The following KHDRBS2 variants were observed in gnomAD, a reference collection of about 807,000 sequenced individuals.
KHDRBS2 encodes the protein KH domain-containing, RNA-binding, signal transduction-associated protein 2.
In KHDRBS2, 26 loss-of-function variants were observed where a neutral mutation model predicts 44.3. The observed-to-expected ratio is 0.59, with a 90% CI of 0.43 to 0.81. The LOEUF (loss-of-function observed/expected upper bound fraction) is 0.81. Among genes scored for constraint, KHDRBS2 ranks in the 40% least tolerant of loss-of-function variants. The pLI is 0.00. For synonymous variants in KHDRBS2, 194 were observed against 151.1 expected, an observed-to-expected ratio of 1.28 and a Z score of -2.08; for missense variants, 476 against 433.1, an observed-to-expected ratio of 1.10 and a Z score of -0.88.
At chr6:62,263,165 T>C (rs73488982) in intron 1 of KHDRBS2, among the ~76,000 whole-genome samples, 32,461 of 151,712 alleles carry the variant, frequency 0.21, 4,548 homozygotes, top group African/African-American at 0.4. Context: ...GTAAGTGTAC[T>C]TTGTTCAACC....
chr6:61,816,033 A>T (rs184276086), intron 6 of KHDRBS2, among the ~76,000 whole-genome samples: 76 of 152,278 alleles, frequency 5.0e-4, no homozygotes, highest in African/African-American at 1.7e-3. Context: ...AACTCACTCT[A>T]CCAAATCTAA....
intron 3 of KHDRBS2, among the ~76,000 whole-genome samples, chr6:62,031,402 C>T (rs1159129821): frequency 6.6e-6 from 1 of 151,982 alleles, no homozygotes; most frequent in Non-Finnish European, 1.5e-5. Context: ...TTGTCCTGTA[C>T]CTTAGGTGGG....
chr6:62,028,294 C>G (rs1328105139), intron 3 of KHDRBS2, among the ~76,000 whole-genome samples: 2 of 151,968 alleles, frequency 1.3e-5, no homozygotes, highest in African/African-American at 4.8e-5. Flanking sequence ...CTATAGAAAA[C>G]TATAGATTTC....
chr6:62,082,650 C>G (rs375269988), intron 2 of KHDRBS2, among the ~76,000 whole-genome samples: 1 of 152,082 alleles, frequency 6.6e-6, no homozygotes, highest in East Asian at 1.9e-4. Flanking sequence ...GGACAGAGAA[C>G]CTCTCTTCTG....
chr6:62,000,084 C>T (rs1382522773), intron 3 of KHDRBS2, among the ~76,000 whole-genome samples: 1 of 151,990 alleles, frequency 6.6e-6, no homozygotes, highest in Non-Finnish European at 1.5e-5. Flanking sequence ...ATATGGACAT[C>T]TTTAGGGGGC....
At chr6:62,019,719 C>T (rs2090387) in intron 3 of KHDRBS2, among the ~76,000 whole-genome samples, 93,078 of 151,884 alleles carry the variant, frequency 0.61, 28,742 homozygotes, top group Non-Finnish European at 0.62. Flanking sequence ...AAGGTACTGA[C>T]ATAAAGCTGC....
chr6:61,876,506 A>C (rs1799427896), intron 6 of KHDRBS2, among the ~76,000 whole-genome samples: 1 of 151,686 alleles, frequency 6.6e-6, no homozygotes, highest in African/African-American at 2.4e-5. Flanking sequence ...ATTCTTCTAA[A>C]AAAATATGAG....
At chr6:62,163,571 G>T (rs1329016976) in intron 2 of KHDRBS2, among the ~76,000 whole-genome samples, 1 of 151,998 alleles carries the variant, frequency 6.6e-6, no homozygotes, top group Non-Finnish European at 1.5e-5. Flanking sequence ...AGCACCAGAG[G>T]AGAAATACAT....
At chr6:61,660,161 G>T in the KHDRBS2 span, among the ~76,000 whole-genome samples, 936 of 151,944 alleles carry the variant, frequency 6.2e-3, 12 homozygotes, top group African/African-American at 0.021. Flanking sequence ...TTTATACACA[G>T]TGTAGTTCGT....
At chr6:62,174,487 C>T (rs1200899903) in intron 2 of KHDRBS2, among the ~76,000 whole-genome samples, 1 of 151,546 alleles carries the variant, frequency 6.6e-6, no homozygotes, top group Non-Finnish European at 1.5e-5. Context: ...AGCACCAGGG[C>T]TAGATAAATC....
chr6:62,095,483 TC>T (rs1179712814), intron 2 of KHDRBS2, among the ~76,000 whole-genome samples: 2 of 151,972 alleles, frequency 1.3e-5, no homozygotes, highest in East Asian at 1.9e-4. Flanking sequence ...AGTAACATGT[TC>T]TATGGTTGTG....
At chr6:61,868,002 C>A (rs1433689280) in intron 6 of KHDRBS2, among the ~76,000 whole-genome samples, 1 of 152,162 alleles carries the variant, frequency 6.6e-6, no homozygotes, top group Non-Finnish European at 1.5e-5. Flanking sequence ...GTTGGGGGAT[C>A]CCTTCAGCCC....
chr6:61,701,718 C>A (rs1768709379), intron 7 of KHDRBS2, among the ~76,000 whole-genome samples: 2 of 151,938 alleles, frequency 1.3e-5, no homozygotes, highest in African/African-American at 4.8e-5. Context: ...CAAAACATTT[C>A]ACTGCTGTTT....
intron 1 of KHDRBS2, among the ~76,000 whole-genome samples, chr6:62,202,267 C>G (rs1056937437): frequency 1.3e-5 from 2 of 152,078 alleles, no homozygotes; most frequent in African/African-American, 4.8e-5. Context: ...GACTCCCACA[C>G]CAACTGTGAC....
In KHDRBS2 at chr6:62,099,565, C is replaced by A. The variant is rs182086319; in HGVS notation, c.220-51571G>T. ...GTCCAGATGCCCTGTCCATGATAACCCACTTGGGTCAGGAACCGTGGGGCT... is the reference window on the plus strand; with the variant it reads ...GTCCAGATGCCCTGTCCATGATAACACACTTGGGTCAGGAACCGTGGGGCT... On this transcript the variant is annotated intron_variant, in intron 2 of 8. Transcript: ENST00000281156. Among the ~76,000 whole-genome samples, 453 of 152,282 alleles carry A rather than the reference C, an allele frequency of 3.0e-3. 3 individuals carry two copies. Among genetic ancestry groups the A allele is most frequent in the Non-Finnish European group, 4.7e-3 (318 of 68,026 alleles).
At chr6:61,576,631 T>G in the KHDRBS2 span, among the ~76,000 whole-genome samples, 93,659 of 151,968 alleles carry the variant, frequency 0.62, 29,088 homozygotes, top group Non-Finnish European at 0.65. Context: ...TATTCAAAAT[T>G]TTGAGCTTTT....
At chr6:62,172,888 C>T (rs1820344464) in intron 2 of KHDRBS2, among the ~76,000 whole-genome samples, 1 of 151,850 alleles carries the variant, frequency 6.6e-6, no homozygotes. Context: ...TTTGAAACTA[C>T]TGAGAACAAA....
chr6:62,120,404 G>A (rs1168333337), intron 2 of KHDRBS2, among the ~76,000 whole-genome samples: 1 of 152,186 alleles, frequency 6.6e-6, no homozygotes, highest in Non-Finnish European at 1.5e-5. Context: ...AGAGCTCTGT[G>A]ATTGCTCTTC....
rs142845311 is a variant in KHDRBS2 at position 61,779,805 on chromosome 6, T to A, written c.811-47041A>T. Among the ~76,000 whole-genome samples, 247 of 152,224 alleles carry A rather than the reference T, an allele frequency of 1.6e-3. 1 individual carries two copies. Among genetic ancestry groups the A allele is most frequent in the African/African-American group, 5.3e-3 (220 of 41,542 alleles). Reference sequence around the variant, plus strand: ...AACCCCAGGAGGTAGGGACTATTCATTCCATTGATAAAATAAGGCATAAAT... The same window carrying A: ...AACCCCAGGAGGTAGGGACTATTCAATCCATTGATAAAATAAGGCATAAAT... On this transcript the variant is annotated intron_variant, in intron 6 of 8. Transcript: ENST00000281156.
Sources: allele counts gnomAD v4.1 joint callset (sites outside exome capture counted in the v4.1 genomes callset), GRCh38; gene constraint gnomAD v4.1.1; transcripts MANE v1.5; gene names NCBI Gene and HGNC (gene_info 2026-07-23, HGNC 2026-07-21).